KANK1: variants seen among roughly 807,000 people sequenced by gnomAD.
The protein encoded by KANK1 is KN motif and ankyrin repeat domain-containing protein 1.
KANK1 carries 109 observed loss-of-function variants against 106.2 expected under a neutral mutation model. The observed-to-expected ratio is 1.03, with a 90% confidence interval of 0.88 to 1.20. The LOEUF (loss-of-function observed/expected upper bound fraction) is 1.20. KANK1 is among the 50% of genes most tolerant of loss of function. The pLI is 0.00. For missense variants in KANK1, 2,399 were observed against 1,710.7 expected (o/e 1.40, Z -7.10); for synonymous variants, 873 against 652.2 (o/e 1.34, Z -5.16).
At chr9:744,315 TC>T (rs1836601429) in intron 10 of KANK1, among the ~76,000 whole-genome samples, 175 bp from the exon 11 acceptor site, 1 of 152,198 alleles carries the variant, frequency 6.6e-6, no homozygotes, top group Non-Finnish European at 1.5e-5. Context: ...TCATTCATCT[TC>T]ACATCCTCAG....
chr9:569,444 A>C (rs1047092955), intron 1 of KANK1, among the ~76,000 whole-genome samples: 1 of 151,988 alleles, frequency 6.6e-6, no homozygotes, highest in Non-Finnish European at 1.5e-5. Flanking sequence ...TAAGAAGAGG[A>C]AGGGACCTGA....
rs770980449 is a variant in KANK1, at chr9:710,824, A to T, written c.58A>T (p.Ser20Cys). The change falls in exon 3 of 12, where the codon AGT (serine) becomes TGT (cysteine). Residue 20 changes from serine (S) to cysteine (C), a missense_variant. By Grantham distance (112) the Ser-to-Cys change is moderately radical (BLOSUM62 -1). Transcript: ENST00000382297. ...SASGKAGDIL[S>C]GDQDKEQKDP... ...TCTAGGAAAAGCAGGTGATATTCTC[A>T]GTGGAGACCAGGACAAGGAACAGAA... 4 of 1,598,246 alleles carry T rather than the reference A, an allele frequency of 2.5e-6. No individual in the cohort carries two copies. In the African/African-American group the frequency reaches 5.4e-5, roughly 22 times the overall value.
At chr9:707,273 G>C in intron 2 of KANK1, 1 of 977,040 alleles carries the variant, frequency 1.0e-6, no homozygotes, top group Non-Finnish European at 1.2e-6. Flanking sequence ...GCGGCGTGGG[G>C]CGGCCACCGC....
chr9:517,934 C>T (rs763619457), intron 1 of KANK1, among the ~76,000 whole-genome samples: 2 of 151,312 alleles, frequency 1.3e-5, no homozygotes, highest in Non-Finnish European at 2.9e-5. Context: ...GATGGAGTTT[C>T]ACATTATTGG....
chr9:654,769 C>G (rs972626496), intron 1 of KANK1, among the ~76,000 whole-genome samples: 2 of 151,454 alleles, frequency 1.3e-5, no homozygotes, highest in Non-Finnish European at 2.9e-5. Context: ...TACTGAGTTC[C>G]TTTTTAATAA....
At chr9:496,052 G>C (rs1456684221) in intron 3 of KANK1, among the ~76,000 whole-genome samples, 1 of 152,136 alleles carries the variant, frequency 6.6e-6, no homozygotes, top group Non-Finnish European at 1.5e-5. Flanking sequence ...CTGGCCTCCA[G>C]CAACCTGGGT....
chr9:629,560 C>T (rs1835174799), intron 1 of KANK1, among the ~76,000 whole-genome samples: 1 of 152,122 alleles, frequency 6.6e-6, no homozygotes, highest in African/African-American at 2.4e-5. Context: ...TGTAAAGGCC[C>T]ATCACATATA....
chr9:481,872 C>T (rs1010714434), intron 3 of KANK1, among the ~76,000 whole-genome samples: 6 of 151,870 alleles, frequency 4.0e-5, no homozygotes, highest in East Asian at 1.9e-4. Flanking sequence ...GATGAACATT[C>T]AGCTAAATGG....
intron 1 of KANK1, among the ~76,000 whole-genome samples, chr9:596,849 AT>A (rs1826339216): frequency 6.6e-6 from 1 of 151,834 alleles, no homozygotes; most frequent in African/African-American, 2.4e-5. Flanking sequence ...GTTCCAAAAC[AT>A]TTTTGTCACT....
chr9:557,554 G>T (rs1025827406), intron 1 of KANK1, among the ~76,000 whole-genome samples: 1 of 152,176 alleles, frequency 6.6e-6, no homozygotes, highest in African/African-American at 2.4e-5. Flanking sequence ...GGGAATTCTT[G>T]GTAGGGGGCT....
chr9:740,183 C>T (rs1057189960), intron 8 of KANK1, among the ~76,000 whole-genome samples: 7 of 152,126 alleles, frequency 4.6e-5, no homozygotes, highest in Non-Finnish European at 1.0e-4. Flanking sequence ...TTAAGAATTA[C>T]AAGAATAGAA....
intron 2 of KANK1, among the ~76,000 whole-genome samples, chr9:688,267 G>T (rs1260962555): frequency 2.0e-5 from 3 of 152,174 alleles, no homozygotes; most frequent in African/African-American, 7.2e-5. Flanking sequence ...CGTGAAAGTT[G>T]TAGTTATCTG....
intron 3 of KANK1, among the ~76,000 whole-genome samples, chr9:475,350 G>C (rs2058085169): frequency 6.6e-6 from 1 of 152,228 alleles, no homozygotes; most frequent in African/African-American, 2.4e-5. Context: ...AGAATTGGGA[G>C]AAGTAACCCA....
At chr9:741,940 C>G (rs1835691050) in intron 9 of KANK1, among the ~76,000 whole-genome samples, 1 of 152,158 alleles carries the variant, frequency 6.6e-6, no homozygotes, top group Non-Finnish European at 1.5e-5. Context: ...TTTTAACCAC[C>G]ACCTGAACTT....
At chr9:743,974 C>A (rs1453811193) in intron 10 of KANK1, among the ~76,000 whole-genome samples, 1 of 152,168 alleles carries the variant, frequency 6.6e-6, no homozygotes, top group East Asian at 1.9e-4. Flanking sequence ...TTTTTTCACC[C>A]ATATGTAGTG....
At chr9:487,414 G>A (rs2058311214) in intron 3 of KANK1, among the ~76,000 whole-genome samples, 3 of 152,166 alleles carry the variant, frequency 2.0e-5, no homozygotes, top group African/African-American at 7.2e-5. Context: ...TTTAAGGTAG[G>A]CTAGGCTAAG....
In KANK1 at chr9:647,560, CTTT is replaced by C. The variant is rs549198946; in HGVS notation, c.-83-29326_-83-29324del. Among the ~76,000 whole-genome samples the C allele has an allele frequency of 9.6e-4, 145 of 150,784 alleles. 2 individuals carry two copies. Among genetic ancestry groups the C allele is most frequent in the Non-Finnish European group, 1.8e-3 (125 of 68,006 alleles). Reference sequence around the variant, plus strand: ...TACGAAAATATATTTAATCCCCACTCTTTTTTAAGTTTCACTTTGCCTTAAGGG... The same window carrying C: ...TACGAAAATATATTTAATCCCCACTCTTTAAGTTTCACTTTGCCTTAAGGG... On this transcript the variant is annotated intron_variant, in intron 1 of 11. Transcript: ENST00000382297.
At chr9:603,037 T>C (rs1828172146) in intron 1 of KANK1, among the ~76,000 whole-genome samples, 1 of 151,870 alleles carries the variant, frequency 6.6e-6, no homozygotes, top group Non-Finnish European at 1.5e-5. Context: ...TCAGAGCTCA[T>C]TTGTGGGCCT....
At chr9:585,910 C>T (rs1360101410) in intron 1 of KANK1, among the ~76,000 whole-genome samples, 1 of 152,060 alleles carries the variant, frequency 6.6e-6, no homozygotes, top group Non-Finnish European at 1.5e-5. Context: ...TGAAGGTCAA[C>T]AGGGGAGTTT....
Sources: allele counts gnomAD v4.1 joint callset (sites outside exome capture counted in the v4.1 genomes callset), GRCh38; gene constraint gnomAD v4.1.1; transcripts MANE v1.5; gene names NCBI Gene and HGNC (gene_info 2026-07-23, HGNC 2026-07-21).